RPL38: variants seen among roughly 807,000 people sequenced by gnomAD.
The protein encoded by RPL38 is ribosomal protein L38.
RPL38 carries 2 observed loss-of-function variants against 12.8 expected under a neutral mutation model. The observed-to-expected ratio is 0.16, with a 90% confidence interval of 0.06 to 0.49. The LOEUF is 0.49. Among genes scored for constraint, RPL38 ranks in the 20% least tolerant of loss-of-function variants. The pLI is 0.96. For missense variants in RPL38, 52 were observed against 79.8 expected (o/e 0.65, Z 1.33); for synonymous variants, 42 against 30.1 (o/e 1.39, Z -1.29).
intron 3 of RPL38, among the ~76,000 whole-genome samples, chr17:74,208,606 C>G (rs919123536): frequency 2.0e-4 from 31 of 152,210 alleles, no homozygotes; most frequent in Admixed American, 1.9e-3. Context: ...GCAGACAGCC[C>G]GTCTCCTTAC....
Position 74,204,123 on chromosome 17 carries a change from G to A in RPL38, c.4-7G>A. 2 of 1,614,174 alleles carry A rather than the reference G, an allele frequency of 1.2e-6. No individual in the cohort carries two copies. The highest frequency in any genetic ancestry group is 1.1e-5 in the South Asian group (1 of 91,090). On this transcript the variant is annotated splice_region_variant and splice_polypyrimidine_tract_variant and intron_variant, in intron 2 of 4. Transcript: ENST00000311111. The stretch of plus-strand genomic sequence containing the variant: ...CTCTCTGTTCACCCGCTTCCTTTGT[G>A]TTGCAGCCTCGGAAAATTGAGGAAA...
At chr17:74,205,219 C>T (rs1425386496) in intron 3 of RPL38, 4 of 152,208 alleles carry the variant, frequency 2.6e-5, no homozygotes, top group African/African-American at 4.8e-5. Context: ...TGTGTTACTC[C>T]TTTGTGATAC....
intron 3 of RPL38, chr17:74,205,831 G>A (rs1431719491): frequency 6.6e-6 from 1 of 152,086 alleles, no homozygotes; most frequent in Non-Finnish European, 1.5e-5. Context: ...ACCAACCTGG[G>A]CGACATGGCA....
chr17:74,209,079 G>C, intron 3 of RPL38, 108 bp from the exon 4 acceptor site: 1 of 1,135,410 alleles, frequency 8.8e-7, no homozygotes, highest in Middle Eastern at 3.0e-4. Flanking sequence ...TACTGGAGGT[G>C]GGTGCTGTCT....
chr17:74,209,955 G>A lies in RPL38; in HGVS notation c.*126G>A, dbSNP rs1453604114. On this transcript the variant is annotated 3_prime_UTR_variant, in exon 5 of 5. Transcript: ENST00000311111. ...GGCTTCTGATGGGAACAGGACGCGG[G>A]TTCTGTTGCTGCCTTCCTGTGTCTT... is the stretch of plus-strand genomic sequence containing the variant. 2 of 680,152 alleles carry A rather than the reference G, an allele frequency of 2.9e-6. No homozygotes were observed. Among genetic ancestry groups the A allele is most frequent in the East Asian group, 2.8e-5 (1 of 35,166 alleles). The allele number at this position is 680,152 out of a possible 1,614,324, so 42.1% of individuals were successfully genotyped here. A position where few individuals can be genotyped will look rare whatever the true frequency, so the allele number is the denominator to read the frequency against.
At chr17:74,207,861 C>T (rs1168731540) in intron 3 of RPL38, among the ~76,000 whole-genome samples, 4 of 152,128 alleles carry the variant, frequency 2.6e-5, no homozygotes, top group African/African-American at 9.7e-5. Context: ...CAGCTTAGTT[C>T]AGCTGCTAGG....
At position 74,210,065 on chromosome 17, in the gene RPL38, A is replaced by G; in HGVS notation, c.*236A>G. On this transcript the variant is annotated 3_prime_UTR_variant, in exon 5 of 5. Transcript: ENST00000311111. The stretch of plus-strand genomic sequence containing the variant: ...CACAGTGGTGCGATATCAGCTCACT[A>G]CCACCTCCGCCTCCTGGGTTCAAGC... The G allele has an allele frequency of 2.3e-6, 1 of 429,680 alleles. No individual in the cohort carries two copies. Among genetic ancestry groups the G allele is most frequent in the Non-Finnish European group, 4.1e-6 (1 of 244,302 alleles). The allele number at this position is 429,680 out of a possible 1,614,324, so 26.6% of individuals were successfully genotyped here. A position where few individuals can be genotyped will look rare whatever the true frequency, so the allele number is the denominator to read the frequency against.
intron 3 of RPL38, among the ~76,000 whole-genome samples, chr17:74,207,519 C>CTTT (rs960745898): frequency 1.3e-5 from 2 of 150,918 alleles, no homozygotes; most frequent in African/African-American, 4.9e-5. Context: ...GTTGAGTAAA[C>CTTT]TTTTTTTTTA....
chr17:74,203,845 C>T lies in RPL38; in HGVS notation c.-38-73C>T, dbSNP rs2050083199. The T allele has an allele frequency of 5.9e-6, 8 of 1,350,348 alleles. No homozygotes were observed. The Admixed American group carries it at 7.5e-5, about 13-fold the overall frequency. The allele number at this position is 1,350,348 out of a possible 1,614,324, so 83.6% of individuals were successfully genotyped here. ...GGGGAGTGCGATGGGGCCGATATTT[C>T]GGGGGAGAGCGGGAAAACGGGGTTC... is the stretch of plus-strand genomic sequence containing the variant. On this transcript the variant is annotated intron_variant, in intron 1 of 4. Transcript: ENST00000311111.
At chr17:74,204,215 A>T (rs1567802983) in intron 3 of RPL38, 25 bp downstream of exon 3, 1 of 1,611,410 alleles carries the variant, frequency 6.2e-7, no homozygotes, top group South Asian at 1.1e-5. Flanking sequence ...CGAAGGTTCA[A>T]GAAGAGCGGT....
intron 4 of RPL38, 85 bp downstream of exon 4, chr17:74,209,394 C>A: frequency 6.6e-7 from 1 of 1,506,342 alleles, no homozygotes; most frequent in Non-Finnish European, 9.0e-7. Flanking sequence ...TTTTGAATCC[C>A]TCTCAGATTT....
At position 74,203,938 on chromosome 17, in the gene RPL38, C is replaced by T; in HGVS notation, c.-18C>T. 6.2e-7 allele frequency: 1 copy of T among 1,605,140 alleles called. No individual in the cohort carries two copies. Among genetic ancestry groups the T allele is most frequent in the Middle Eastern group, 1.7e-4 (1 of 5,960 alleles). ...CGCAGGTCCTGGTCCGCGCCAGAGC[C>T]CAGCGCGCCTCGTCGCCATGGTGAG... is the stretch of plus-strand genomic sequence containing the variant. On this transcript the variant is annotated 5_prime_UTR_variant, in exon 2 of 5. Coordinates refer to ENST00000311111, the MANE Select transcript of RPL38 (RefSeq NM_000999.4).
intron 3 of RPL38, among the ~76,000 whole-genome samples, chr17:74,206,944 CT>C (rs2143690040): frequency 6.6e-6 from 1 of 151,766 alleles, no homozygotes; most frequent in African/African-American, 2.4e-5. Flanking sequence ...TCTCTATCTC[CT>C]GACCTCATGA....
intron 4 of RPL38, among the ~76,000 whole-genome samples, 190 bp from the exon 5 acceptor site, chr17:74,209,614 C>T (rs1446463748): frequency 1.3e-5 from 2 of 152,104 alleles, no homozygotes; most frequent in Non-Finnish European, 2.9e-5. Context: ...ATATAATAGA[C>T]CAAGTCTTTT....
intron 3 of RPL38, among the ~76,000 whole-genome samples, chr17:74,206,708 C>CTTTTTTTTTTTTTT (rs35333460): frequency 5.8e-4 from 59 of 101,580 alleles, no homozygotes; most frequent in Non-Finnish European, 7.2e-4. Flanking sequence ...TTTTTTCTTT[C>CTTTTTTTTTTTTTT]TTTTTTTTTT....
chr17:74,203,930 G>A lies in RPL38; in HGVS notation c.-26G>A, dbSNP rs756042533. ...CTGTTTCCCGCAGGTCCTGGTCCGCGCCAGAGCCCAGCGCGCCTCGTCGCC... is the reference window on the plus strand; with the variant it reads ...CTGTTTCCCGCAGGTCCTGGTCCGCACCAGAGCCCAGCGCGCCTCGTCGCC... On this transcript the variant is annotated 5_prime_UTR_variant, in exon 2 of 5. Transcript: ENST00000311111. 1.9e-6 allele frequency: 3 copies of A among 1,601,222 alleles called. No homozygotes were observed. The highest frequency in any genetic ancestry group is 4.5e-5 in the East Asian group (2 of 44,446).
intron 3 of RPL38, among the ~76,000 whole-genome samples, chr17:74,207,733 C>T (rs533210947): frequency 4.7e-4 from 71 of 151,374 alleles, no homozygotes; most frequent in African/African-American, 1.5e-3. Context: ...CTCGAACTCC[C>T]GACCTCAGGT....
intron 3 of RPL38, chr17:74,206,137 T>C (rs2050111384): frequency 6.6e-6 from 1 of 152,208 alleles, no homozygotes; most frequent in African/African-American, 2.4e-5. Flanking sequence ...AAAATGGTTG[T>C]ATTAATTTTT....
At chr17:74,203,888 C>T (rs56279928) in intron 1 of RPL38, 30 bp from the exon 2 acceptor site, 3 of 1,541,252 alleles carry the variant, frequency 1.9e-6, no homozygotes, top group Non-Finnish European at 2.6e-6. Flanking sequence ...GCCCCCGCGC[C>T]GTGTTAACGC....
Sources: allele counts gnomAD v4.1 joint callset (sites outside exome capture counted in the v4.1 genomes callset), GRCh38; gene constraint gnomAD v4.1.1; transcripts MANE v1.5; gene names NCBI Gene and HGNC (gene_info 2026-07-23, HGNC 2026-07-21).